The following RBFOX1 variants were observed in gnomAD, a reference collection of about 807,000 sequenced individuals.
RBFOX1 encodes RNA binding fox-1 homolog 1, also known as RNA binding protein fox-1 homolog 1.
A neutral mutation model predicts 57.7 loss-of-function variants in RBFOX1; 8 were observed. That is an observed-to-expected ratio of 0.14 (90% CI 0.08 to 0.25). RBFOX1 has a LOEUF of 0.25. RBFOX1 is among the 10% of genes least tolerant of loss of function. RBFOX1 has a pLI of 1.00. For synonymous variants in RBFOX1, 326 were observed against 222.4 expected (o/e 1.47, Z -4.15); for missense variants, 611 against 548.5 (o/e 1.11, Z -1.14).
intron 1 of RBFOX1, among the ~76,000 whole-genome samples, chr16:5,279,821 G>GT (rs1298562860): frequency 1.3e-5 from 2 of 152,104 alleles, no homozygotes; most frequent in East Asian, 1.9e-4. Context: ...CATTTTAAGA[G>GT]TTTTTTTGGT....
intron 1 of RBFOX1, among the ~76,000 whole-genome samples, chr16:6,220,724 C>CG (rs1382877996): frequency 2.9e-4 from 4 of 13,662 alleles, no homozygotes; most frequent in East Asian, 0.017. Context: ...GACTAACCGC[C>CG]CCCCCCCAGT....
At chr16:5,729,724 C>T (rs1178542364) in intron 3 of RBFOX1, among the ~76,000 whole-genome samples, 1 of 152,168 alleles carries the variant, frequency 6.6e-6, no homozygotes, top group African/African-American at 2.4e-5. Flanking sequence ...TATTCTTCTA[C>T]TCTTATCGCA....
intron 3 of RBFOX1, among the ~76,000 whole-genome samples, chr16:5,689,824 C>T (rs1043322329): frequency 1.3e-5 from 2 of 150,436 alleles, no homozygotes; most frequent in South Asian, 2.1e-4. Context: ...AAAGAAGGAA[C>T]ACATTTGTAA....
intron 3 of RBFOX1, among the ~76,000 whole-genome samples, chr16:5,615,280 C>G (rs1191637429): frequency 6.6e-6 from 1 of 152,182 alleles, no homozygotes; most frequent in Non-Finnish European, 1.5e-5. Flanking sequence ...ATCCTCCTGC[C>G]TTGGCCTCCC....
At position 6,238,104 on chromosome 16, in the gene RBFOX1, AAAAAAAAG is replaced by A. The variant is rs1315425702; in HGVS notation, c.-126-78887_-126-78880del. Among the ~76,000 whole-genome samples, 21 of 151,452 alleles carry A rather than the reference AAAAAAAAG, an allele frequency of 1.4e-4. No homozygotes were observed. In the East Asian group the frequency reaches 4.1e-3, roughly 29 times the overall value. On this transcript the variant is annotated intron_variant, in intron 1 of 15. Transcript: ENST00000550418. ...AGACTCTGTCTCAAAAAAAAAAAAA[AAAAAAAAG>A]AAAGAAAAGCCTGCCTTATAGGGTT...
At chr16:6,050,170 G>C (rs1263243290) in intron 1 of RBFOX1, among the ~76,000 whole-genome samples, 2 of 152,104 alleles carry the variant, frequency 1.3e-5, no homozygotes, top group African/African-American at 4.8e-5. Flanking sequence ...ATAATGGCCA[G>C]GCTGGTTTCA....
At chr16:5,435,668 G>C (rs938172329) in intron 1 of RBFOX1, among the ~76,000 whole-genome samples, 2 of 152,154 alleles carry the variant, frequency 1.3e-5, no homozygotes, top group African/African-American at 4.8e-5. Context: ...CAGGGAATTT[G>C]GGAAGTCAGG....
At chr16:7,250,913 T>C (rs1343575649) in intron 4 of RBFOX1, among the ~76,000 whole-genome samples, 2 of 152,344 alleles carry the variant, frequency 1.3e-5, no homozygotes, top group Admixed American at 1.3e-4. Flanking sequence ...ATGGTATACA[T>C]TTATCATGTA....
upstream of RBFOX1, among the ~76,000 whole-genome samples, chr16:6,014,606 C>T (rs950273031): frequency 3.3e-5 from 5 of 152,056 alleles, no homozygotes; most frequent in South Asian, 8.3e-4. Flanking sequence ...CAATCCATTC[C>T]CCTGTGGTCC....
chr16:6,713,480 G>A (rs1225787582), intron 3 of RBFOX1, among the ~76,000 whole-genome samples: 1 of 152,012 alleles, frequency 6.6e-6, no homozygotes, highest in Non-Finnish European at 1.5e-5. Context: ...TCTGTCCTGT[G>A]CATTGTAGGA....
chr16:7,525,399 G>A (rs945748442), intron 5 of RBFOX1, among the ~76,000 whole-genome samples: 5 of 152,142 alleles, frequency 3.3e-5, no homozygotes, highest in Non-Finnish European at 1.5e-5. Context: ...TCAGGCTACA[G>A]TACAGAGCTA....
intron 1 of RBFOX1, among the ~76,000 whole-genome samples, chr16:6,265,087 C>T (rs540554496): frequency 1.3e-5 from 2 of 152,232 alleles, no homozygotes; most frequent in Non-Finnish European, 2.9e-5. Context: ...TTTTTCCCTA[C>T]AAGCCATTCA....
intron 3 of RBFOX1, among the ~76,000 whole-genome samples, chr16:6,934,155 C>T (rs893246418): frequency 4.6e-5 from 7 of 152,126 alleles, no homozygotes; most frequent in African/African-American, 1.7e-4. Flanking sequence ...GCTTCTGGTA[C>T]AGAGTTTTCC....
intron 4 of RBFOX1, among the ~76,000 whole-genome samples, chr16:7,122,850 G>A (rs1198240351): frequency 2.6e-5 from 4 of 152,154 alleles, no homozygotes; most frequent in Middle Eastern, 3.4e-3. Flanking sequence ...ATGTACACGT[G>A]GAATACTACT....
chr16:7,613,951 T>G (rs1490754797), intron 10 of RBFOX1, among the ~76,000 whole-genome samples: 1 of 152,194 alleles, frequency 6.6e-6, no homozygotes, highest in Non-Finnish European at 1.5e-5. Context: ...TAAAAAGTCC[T>G]AGGTATAAAG....
chr16:5,918,042 A>T (rs898921336), intron 4 of RBFOX1, among the ~76,000 whole-genome samples: 5 of 152,186 alleles, frequency 3.3e-5, no homozygotes, highest in Non-Finnish European at 7.3e-5. Flanking sequence ...CTCCTTTCAC[A>T]GGTCAAATTC....
Position 5,530,598 on chromosome 16 carries a change from G to A in RBFOX1, c.258+63344G>A, listed in dbSNP as rs181230502. On this transcript the variant is annotated intron_variant, in intron 2 of 2. Transcript: ENST00000585867. The stretch of plus-strand genomic sequence containing the variant: ...ATTTTGGCTAGAAAATTCTGTTGTT[G>A]GGGTGATATTCTGTGCATTGTGGAA... Among the ~76,000 whole-genome samples the A allele has an allele frequency of 6.6e-4, 100 of 152,288 alleles. No homozygotes were observed. The East Asian group carries it at 0.016, about 25-fold the overall frequency.
At chr16:7,673,973 C>T (rs1411290307) in intron 13 of RBFOX1, among the ~76,000 whole-genome samples, 1 of 152,046 alleles carries the variant, frequency 6.6e-6, no homozygotes, top group African/African-American at 2.4e-5. Context: ...ACTGTGGAAC[C>T]TTGAAGAAGT....
chr16:5,732,096 G>A (rs1486507515), intron 3 of RBFOX1, among the ~76,000 whole-genome samples: 2 of 152,082 alleles, frequency 1.3e-5, no homozygotes, highest in African/African-American at 4.8e-5. Context: ...TATTCCCATT[G>A]GTTATTTATC....
Sources: gnomAD v4.1 joint callset for allele counts (sites outside exome capture counted in the v4.1 genomes callset) on GRCh38, gnomAD v4.1.1 for gene constraint, MANE v1.5 for transcripts, NCBI Gene and HGNC (gene_info 2026-07-23, HGNC 2026-07-21) for gene names.